KPNA4: variants seen among roughly 807,000 people sequenced by gnomAD.
The protein encoded by KPNA4 is importin subunit alpha-3.
Under a neutral mutation model 71.3 loss-of-function variants are expected in KPNA4, and 13 were observed. The ratio of observed to expected loss-of-function variants is 0.18; its 90% CI spans 0.12 to 0.29. KPNA4 has a LOEUF of 0.29. Ranked by LOEUF, KPNA4 falls within the 10% of genes least tolerant of loss-of-function variation. The pLI is 1.00. For synonymous variants in KPNA4, 189 were observed against 195.2 expected (o/e 0.97, Z 0.26); for missense variants, 334 against 603.2 (o/e 0.55, Z 4.67).
chr3:160,538,893 A>C (rs1721740090), intron 1 of KPNA4, among the ~76,000 whole-genome samples: 1 of 152,216 alleles, frequency 6.6e-6, no homozygotes, highest in Non-Finnish European at 1.5e-5. Flanking sequence ...CATACTACTT[A>C]CTAGCTCTCT....
Position 160,536,783 on chromosome 3 carries a change from T to A in KPNA4, c.114+13A>T. ...AATTATGCTTAGAAGTACCCAATAT[T>A]AATCAGACTCACCTTCCTTAATTCA... On this transcript the variant is annotated intron_variant, in intron 2 of 16. Coordinates refer to ENST00000334256, the MANE Select transcript of KPNA4 (RefSeq NM_002268.5). 6.5e-7 allele frequency: 1 copy of A among 1,541,054 alleles called. No homozygotes were observed. The highest frequency in any genetic ancestry group is 8.9e-7 in the Non-Finnish European group (1 of 1,120,694).
chr3:160,514,898 T>G (rs1327234257), intron 12 of KPNA4: 1 of 508,672 alleles, frequency 2.0e-6, no homozygotes, highest in African/African-American at 1.9e-5. Flanking sequence ...TAATGTATAC[T>G]AGGCTCTTTT....
intron 1 of KPNA4, among the ~76,000 whole-genome samples, chr3:160,558,768 A>G (rs1013530684): frequency 6.6e-6 from 1 of 152,134 alleles, no homozygotes; most frequent in African/African-American, 2.4e-5. Context: ...TAAAAAAAAA[A>G]TTGTATTAAC....
At chr3:160,517,166 G>GTC (rs1721246351) in intron 11 of KPNA4, among the ~76,000 whole-genome samples, 1 of 151,988 alleles carries the variant, frequency 6.6e-6, no homozygotes, top group Admixed American at 6.6e-5. Context: ...CACTATGCCT[G>GTC]TCTCTAAGAT....
intron 10 of KPNA4, 120 bp downstream of exon 10, chr3:160,525,680 G>T (rs1181219020): frequency 1.1e-5 from 5 of 458,986 alleles, no homozygotes; most frequent in Non-Finnish European, 1.8e-5. Flanking sequence ...CTTGAAATGG[G>T]AAAATCTGAT....
At position 160,496,322 on chromosome 3, in the gene KPNA4, C is replaced by CA. The variant is rs1191178582; in HGVS notation, c.*5781dup. On this transcript the variant is annotated 3_prime_UTR_variant, in exon 17 of 17. Coordinates refer to ENST00000334256, the MANE Select transcript of KPNA4 (RefSeq NM_002268.5). Reference sequence around the variant, plus strand: ...CAAAGGATGGGGGAAAGGTGGCTCACAGGGCTTAAACATCAGAGGAATGGA... The same window carrying CA: ...CAAAGGATGGGGGAAAGGTGGCTCACAAGGGCTTAAACATCAGAGGAATGGA... 6.6e-6 allele frequency: 1 copy of CA among 152,220 alleles called. No individual in the cohort carries two copies. Among genetic ancestry groups the CA allele is most frequent in the East Asian group, 1.9e-4 (1 of 5,194 alleles). 9.4% of individuals were successfully genotyped at this position (152,220 alleles called of 1,614,324 possible).
At chr3:160,513,261 T>TTG (rs1721139291) in intron 13 of KPNA4, among the ~76,000 whole-genome samples, 2 of 143,310 alleles carry the variant, frequency 1.4e-5, no homozygotes, top group Non-Finnish European at 3.1e-5. Context: ...TTTTTTTTTT[T>TTG]TTTTTTTTTT....
At chr3:160,508,037 T>C in intron 15 of KPNA4, 70 bp downstream of exon 15, 1 of 1,184,978 alleles carries the variant, frequency 8.4e-7, no homozygotes. Context: ...ATGTGCTATA[T>C]TAGTCGGCAA....
At chr3:160,552,389 T>C (rs2108559903) in intron 1 of KPNA4, among the ~76,000 whole-genome samples, 1 of 152,222 alleles carries the variant, frequency 6.6e-6, no homozygotes, top group South Asian at 2.1e-4. Context: ...TCTAATTTAG[T>C]TACTAATTCT....
chr3:160,508,149 C>T lies in KPNA4; in HGVS notation c.1330G>A (p.Asp444Asn). The change falls in exon 15 of 17, where the codon GAT becomes AAT. Residue 444 changes from aspartate (D) to asparagine (N), a missense_variant. By Grantham distance (23) the Asp-to-Asn change is conservative (BLOSUM62 1). Transcript: ENST00000334256. ...AGATTGCCTATGGTTTCTGCCTCAT[C>T]TTCAGCCATTTTTAATATATTACTT... ...GLSNILKMAE[D>N]EAETIGNLIE... 1 of 1,609,790 alleles carries T rather than the reference C, an allele frequency of 6.2e-7. No individual in the cohort carries two copies. Among genetic ancestry groups the T allele is most frequent in the East Asian group, 2.2e-5 (1 of 44,510 alleles).
At chr3:160,559,854 A>G (rs1254081067) in intron 1 of KPNA4, among the ~76,000 whole-genome samples, 1 of 152,148 alleles carries the variant, frequency 6.6e-6, no homozygotes, top group Non-Finnish European at 1.5e-5. Context: ...AAGGTTCAAC[A>G]TGGCCATTCT....
At chr3:160,528,836 G>T (rs1274220475) in intron 7 of KPNA4, among the ~76,000 whole-genome samples, 8 of 152,216 alleles carry the variant, frequency 5.3e-5, no homozygotes, top group Admixed American at 5.2e-4. Context: ...CTGAACAAAT[G>T]ATTCTTCTTC....
chr3:160,548,383 T>C (rs1721970166), intron 1 of KPNA4, among the ~76,000 whole-genome samples: 1 of 152,210 alleles, frequency 6.6e-6, no homozygotes, highest in Non-Finnish European at 1.5e-5. Context: ...ATGTTCATAT[T>C]GTTGTGCATC....
At chr3:160,535,378 G>C in intron 5 of KPNA4, 135 bp downstream of exon 5, 1 of 518,028 alleles carries the variant, frequency 1.9e-6, no homozygotes. Flanking sequence ...AATAAATTTA[G>C]TTGATCTATT....
rs1430754835 is a variant in KPNA4 at position 160,498,458 on chromosome 3, G to GT, written c.*3645dup. ...TGAACAGGATCTTTGAATATGATGCGTATCACCCCTGTGATTGGACTACAA... is the reference window on the plus strand; with the variant it reads ...TGAACAGGATCTTTGAATATGATGCGTTATCACCCCTGTGATTGGACTACAA... On this transcript the variant is annotated 3_prime_UTR_variant, in exon 17 of 17. Transcript: ENST00000334256. 71 of 152,300 alleles carry GT rather than the reference G, an allele frequency of 4.7e-4. 1 individual carries two copies. The highest frequency in any genetic ancestry group is 3.4e-3 in the Middle Eastern group (1 of 294). 9.4% of individuals were successfully genotyped at this position (152,300 alleles called of 1,614,324 possible).
In KPNA4 at chr3:160,546,431, T is replaced by A. The variant is rs577367048; in HGVS notation, c.70-9591A>T. 1.9e-3 allele frequency among the ~76,000 whole-genome samples: 285 copies of A among 152,074 alleles called. 1 individual carries two copies. Among genetic ancestry groups the A allele is most frequent in the Non-Finnish European group, 3.1e-3 (212 of 67,986 alleles). ...TACTTGGGAGGCAGAGGGAGGAGAA[T>A]CGCTTGAACCCAGGCGGCCGAGGTT... On this transcript the variant is annotated intron_variant, in intron 1 of 16. Transcript: ENST00000334256.
intron 1 of KPNA4, among the ~76,000 whole-genome samples, chr3:160,546,635 C>T (rs1380888397): frequency 1.3e-5 from 2 of 152,148 alleles, no homozygotes; most frequent in Non-Finnish European, 2.9e-5. Flanking sequence ...GATTACTAAA[C>T]GTACATTTAC....
chr3:160,522,754 G>A (rs547625633), intron 10 of KPNA4, among the ~76,000 whole-genome samples: 6 of 152,118 alleles, frequency 3.9e-5, no homozygotes, highest in African/African-American at 1.2e-4. Context: ...CACTGCGCCC[G>A]GCCAGCAACT....
rs374065609 is a variant in KPNA4 at position 160,519,666 on chromosome 3, G to A, written c.903+2113C>T. Among the ~76,000 whole-genome samples, 5 of 151,460 alleles carry A rather than the reference G, an allele frequency of 3.3e-5. 1 individual carries two copies. Among genetic ancestry groups the A allele is most frequent in the Admixed American group, 2.6e-4 (4 of 15,238 alleles). On this transcript the variant is annotated intron_variant, in intron 11 of 16. Transcript: ENST00000334256. ...AAAAATTAGCCGGGCGCGGTGGTGG[G>A]CGCCTGTAGTCCCAGCTACTGGGGA...
Sources: gnomAD v4.1 joint callset for allele counts (sites outside exome capture counted in the v4.1 genomes callset) on GRCh38, gnomAD v4.1.1 for gene constraint, MANE v1.5 for transcripts, NCBI Gene and HGNC (gene_info 2026-07-23, HGNC 2026-07-21) for gene names.